Variants in MBNL2 observed in about 807,000 individuals in gnomAD.
MBNL2 encodes the protein muscleblind like splicing regulator 2.
In MBNL2, 17 loss-of-function variants were observed where a neutral mutation model predicts 41.9. That is an observed-to-expected ratio of 0.41 (90% CI 0.28 to 0.61). The LOEUF is 0.61. Ranked by LOEUF, MBNL2 falls within the 20% of genes least tolerant of loss-of-function variation. MBNL2 has a pLI of 0.35. For missense variants in MBNL2, 336 were observed against 505.6 expected (o/e 0.66, Z 3.22); for synonymous variants, 195 against 182.9 (o/e 1.07, Z -0.53).
intron 1 of MBNL2, among the ~76,000 whole-genome samples, chr13:97,269,480 C>A (rs952809594): frequency 5.3e-5 from 8 of 152,156 alleles, no homozygotes; most frequent in Admixed American, 3.9e-4. Context: ...AAATGCCACC[C>A]CTTCCTCCCT....
the MBNL2 span, among the ~76,000 whole-genome samples, chr13:97,209,825 T>C: frequency 6.6e-6 from 1 of 152,228 alleles, no homozygotes; most frequent in Admixed American, 6.5e-5. Context: ...AGGCAAGATC[T>C]TGCTCTGTCA....
intron 2 of MBNL2, among the ~76,000 whole-genome samples, chr13:97,277,811 T>C (rs2052474414): frequency 6.6e-6 from 1 of 152,150 alleles, no homozygotes; most frequent in Admixed American, 6.5e-5. Context: ...TTGCCTAAAA[T>C]GGAAATGAAT....
chr13:97,189,143 C>T, the MBNL2 span, among the ~76,000 whole-genome samples: 16 of 152,098 alleles, frequency 1.1e-4, no homozygotes, highest in Non-Finnish European at 1.8e-4. Flanking sequence ...ACCCCCTAAC[C>T]TCAGCCTCCC....
At chr13:97,315,925 G>T (rs2059008438) in intron 2 of MBNL2, among the ~76,000 whole-genome samples, 1 of 152,134 alleles carries the variant, frequency 6.6e-6, no homozygotes, top group South Asian at 2.1e-4. Context: ...TTCTCTGAGG[G>T]TTCAGTGGAG....
intron 2 of MBNL2, among the ~76,000 whole-genome samples, chr13:97,328,155 G>A (rs939834838): frequency 6.7e-6 from 1 of 149,464 alleles, no homozygotes; most frequent in Non-Finnish European, 1.5e-5. Context: ...GTCCAGTTCT[G>A]AGACGGTTTC....
the MBNL2 span, among the ~76,000 whole-genome samples, chr13:97,149,946 T>C: frequency 0.99 from 150,206 of 152,324 alleles, 74,061 homozygotes; most frequent in East Asian, 1. Context: ...AACACCCCCC[T>C]ATATCACACA....
Position 97,264,824 on chromosome 13 carries a change from A to C in MBNL2, c.-604-10808A>C, listed in dbSNP as rs151078671. On this transcript the variant is annotated intron_variant, in intron 1 of 8. Coordinates refer to ENST00000679496, the MANE Select transcript of MBNL2 (RefSeq NM_001382683.1). Reference sequence around the variant, plus strand: ...ACCCAAGGCTATGGCCGGGGAAGGAAATGGAAGTTCTAACAAAGAGTTCTC... The same window carrying C: ...ACCCAAGGCTATGGCCGGGGAAGGACATGGAAGTTCTAACAAAGAGTTCTC... Among the ~76,000 whole-genome samples the C allele has an allele frequency of 1.9e-4, 29 of 152,332 alleles. No homozygotes were observed. In the East Asian group the frequency reaches 5.6e-3, roughly 29 times the overall value.
At chr13:97,365,307 A>G (rs982669976) in intron 8 of MBNL2, 136 bp downstream of exon 8, 2 of 679,300 alleles carry the variant, frequency 2.9e-6, no homozygotes, top group South Asian at 1.7e-5. Context: ...GAGTTAACAT[A>G]TAGGTTTTTA....
chr13:97,265,740 A>C (rs72637450), intron 1 of MBNL2, among the ~76,000 whole-genome samples: 1 of 152,256 alleles, frequency 6.6e-6, no homozygotes, highest in Non-Finnish European at 1.5e-5. Context: ...TATTGATAGT[A>C]TACTACTAAA....
At chr13:97,203,109 G>A in the MBNL2 span, among the ~76,000 whole-genome samples, 1 of 152,148 alleles carries the variant, frequency 6.6e-6, no homozygotes, top group Non-Finnish European at 1.5e-5. Context: ...TGGACAATGG[G>A]AAAGCTGTAG....
At chr13:97,370,042 A>T (rs2064211949) in intron 8 of MBNL2, among the ~76,000 whole-genome samples, 1 of 152,156 alleles carries the variant, frequency 6.6e-6, no homozygotes, top group Admixed American at 6.5e-5. Context: ...ATTACATATC[A>T]TCATATATTC....
At chr13:97,319,246 A>C (rs935181190) in intron 2 of MBNL2, among the ~76,000 whole-genome samples, 1 of 152,152 alleles carries the variant, frequency 6.6e-6, no homozygotes, top group Non-Finnish European at 1.5e-5. Context: ...CTTGAAACAG[A>C]GCAGCTGTCT....
At chr13:97,199,311 T>C in the MBNL2 span, among the ~76,000 whole-genome samples, 2 of 152,152 alleles carry the variant, frequency 1.3e-5, no homozygotes, top group South Asian at 4.2e-4. Context: ...TGGCAATTTC[T>C]ATCTTAGCCT....
chr13:97,372,861 A>AGAG (rs2064520568), intron 8 of MBNL2, among the ~76,000 whole-genome samples: 2 of 152,218 alleles, frequency 1.3e-5, no homozygotes, highest in South Asian at 2.1e-4. Context: ...CTCTCATCTC[A>AGAG]GAGTTTTATA....
the MBNL2 span, among the ~76,000 whole-genome samples, chr13:97,181,208 G>A: frequency 6.6e-6 from 1 of 151,976 alleles, no homozygotes; most frequent in East Asian, 1.9e-4. Flanking sequence ...ACATAATCCA[G>A]AACAATCTCC....
the MBNL2 span, among the ~76,000 whole-genome samples, chr13:97,191,890 AAGAG>A: frequency 6.6e-6 from 1 of 152,206 alleles, no homozygotes; most frequent in East Asian, 1.9e-4. Flanking sequence ...CTCTCAAAGA[AAGAG>A]AAGAAAATGT....
chr13:97,214,538 T>C, the MBNL2 span, among the ~76,000 whole-genome samples: 2 of 152,200 alleles, frequency 1.3e-5, no homozygotes, highest in African/African-American at 4.8e-5. Flanking sequence ...TGAGTGTATG[T>C]CCTTCCATCC....
the MBNL2 span, among the ~76,000 whole-genome samples, chr13:97,164,669 T>C: frequency 6.6e-6 from 1 of 152,200 alleles, no homozygotes; most frequent in Non-Finnish European, 1.5e-5. Context: ...TATTATCCTT[T>C]AAGACAGAGC....
chr13:97,253,767 T>TAAGTTC (rs141600539), intron 1 of MBNL2, among the ~76,000 whole-genome samples: 1 of 149,408 alleles, frequency 6.7e-6, no homozygotes, highest in African/African-American at 2.6e-5. Context: ...TACGTATTAA[T>TAAGTTC]TTATTAATAC....
Sources: allele counts gnomAD v4.1 joint callset (sites outside exome capture counted in the v4.1 genomes callset), GRCh38; gene constraint gnomAD v4.1.1; transcripts MANE v1.5; gene names NCBI Gene and HGNC (gene_info 2026-07-23, HGNC 2026-07-21).